RYR1: variants seen among roughly 807,000 people sequenced by gnomAD.
RYR1 encodes the protein central core disease of muscle.
Under a neutral mutation model 583.5 loss-of-function variants are expected in RYR1, and 342 were observed. The observed-to-expected ratio is 0.59, with a 90% CI of 0.54 to 0.64. The LOEUF (loss-of-function observed/expected upper bound fraction) is 0.64. Among genes scored for constraint, RYR1 ranks in the 30% least tolerant of loss-of-function variants. The pLI is 0.00. For synonymous variants in RYR1, 2,791 were observed against 2,822.5 expected (o/e 0.99, Z 0.35); for missense variants, 6,032 against 6,917.2 (o/e 0.87, Z 4.54).
At chr19:38,457,045 CCAAAAAAAAAAAA>C (rs1223698564) in intron 16 of RYR1, among the ~76,000 whole-genome samples, 5 of 19,588 alleles carry the variant, frequency 2.6e-4, no homozygotes, top group African/African-American at 8.5e-4. Context: ...GACTCCATCT[CCAAAAAAAAAAAA>C]AAAAAAAAAA....
chr19:38,506,703 A>T, intron 56 of RYR1, 126 bp from the exon 57 acceptor site: 1 of 1,512,606 alleles, frequency 6.6e-7, no homozygotes, highest in South Asian at 1.2e-5. Flanking sequence ...ACCAGCAAGC[A>T]ATGTTTCCGT....
rs567283128 is a variant in RYR1, at chr19:38,440,704, G to C, written c.46-41G>C. 3.3e-5 allele frequency: 53 copies of C among 1,600,096 alleles called. No individual in the cohort carries two copies. The South Asian group carries it at 4.7e-4, about 14-fold the overall frequency. ...GTGGTCTGCAGTATTTGTGGTATCC[G>C]GGCCAGGCCCCCCTGGAGACGCTGC... On this transcript the variant is annotated intron_variant, in intron 1 of 105. Coordinates refer to ENST00000359596, the MANE Select transcript of RYR1 (RefSeq NM_000540.3).
intron 53 of RYR1, 95 bp downstream of exon 53, chr19:38,505,493 C>G (rs1894204393): frequency 2.2e-6 from 2 of 924,194 alleles, no homozygotes; most frequent in African/African-American, 3.3e-5. Context: ...ATGTTTGCAT[C>G]TAGGTGGATC....
At chr19:38,487,507 C>T (rs1568486767) in intron 34 of RYR1, among the ~76,000 whole-genome samples, 1 of 152,106 alleles carries the variant, frequency 6.6e-6, no homozygotes, top group Non-Finnish European at 1.5e-5. Context: ...GTGCCCGCCA[C>T]CATGCCCGGC....
chr19:38,503,194 AT>A (rs1245671940), intron 49 of RYR1, among the ~76,000 whole-genome samples: 1 of 152,166 alleles, frequency 6.6e-6, no homozygotes, highest in Non-Finnish European at 1.5e-5. Flanking sequence ...CCTAATTAGC[AT>A]TTAATTTGCT....
intron 11 of RYR1, among the ~76,000 whole-genome samples, chr19:38,450,716 C>T (rs940675803): frequency 2.6e-5 from 4 of 151,940 alleles, no homozygotes; most frequent in Non-Finnish European, 4.4e-5. Flanking sequence ...ATTGTACAAG[C>T]GGGTCCTCTG....
Position 38,463,841 on chromosome 19 carries a change from A to C in RYR1, c.2777A>C (p.Glu926Ala). The change falls in exon 22 of 106, where the codon GAG (glutamate) becomes GCG (alanine). Residue 926 changes from glutamate (E) to alanine (A), a missense_variant. Physicochemically the swap from Glu to Ala is moderately radical, Grantham distance 107. Transcript: ENST00000359596. ...ERNYNLQMSG[E>A]TLKTLLALGC... ...AACTACAACCTGCAGATGTCTGGGGAGACGCTCAAGTGAGGGCCCAGGGGA... is the reference window on the plus strand; with the variant it reads ...AACTACAACCTGCAGATGTCTGGGGCGACGCTCAAGTGAGGGCCCAGGGGA... The C allele has an allele frequency of 6.2e-7, 1 of 1,612,774 alleles. No homozygotes were observed. The highest frequency in any genetic ancestry group is 1.7e-5 in the Admixed American group (1 of 59,938).
At chr19:38,440,928 C>G in intron 2 of RYR1, 64 bp downstream of exon 2, 1 of 1,557,328 alleles carries the variant, frequency 6.4e-7, no homozygotes, top group South Asian at 1.1e-5. Context: ...AATCTTGGGT[C>G]CAAAGAAGAG....
rs772233075 is a variant in RYR1, at chr19:38,502,769, AGGGGCAGG to A, written c.7835+45_7835+52del. On this transcript the variant is annotated intron_variant, in intron 48 of 105. Coordinates refer to ENST00000359596, the MANE Select transcript of RYR1 (RefSeq NM_000540.3). ...TTCAGGGTGGGGCAGGGGCAGGGGC[AGGGGCAGG>A]GGCAGGGGCAGGGGCAGGGGCAGGG... 2.5e-4 allele frequency: 121 copies of A among 479,454 alleles called. 1 individual carries two copies. The highest frequency in any genetic ancestry group is 3.1e-4 in the Non-Finnish European group (92 of 293,324). 29.7% of individuals were successfully genotyped at this position (479,454 alleles called of 1,614,324 possible).
At chr19:38,507,101 G>T in intron 57 of RYR1, 149 bp downstream of exon 57, 3 of 1,318,360 alleles carry the variant, frequency 2.3e-6, no homozygotes, top group Non-Finnish European at 1.0e-6. Context: ...AAGGGAGTGG[G>T]GCCTGGACAC....
chr19:38,585,138 G>T (rs758587491), intron 102 of RYR1, 39 bp downstream of exon 102: 56 of 1,606,792 alleles, frequency 3.5e-5, no homozygotes, highest in Non-Finnish European at 4.3e-5. Context: ...CCGGAGGCAG[G>T]CTAGCTCCAT....
chr19:38,444,493 G>A lies in RYR1; in HGVS notation c.538-91G>A, dbSNP rs1388692116. 8 of 1,148,672 alleles carry A rather than the reference G, an allele frequency of 7.0e-6. No homozygotes were observed. The African/African-American group carries it at 7.7e-5, about 11-fold the overall frequency. 71.2% of individuals were successfully genotyped at this position (1,148,672 alleles called of 1,614,324 possible). ...CTCTGTCTCCCATCTGCCGGTTTCC[G>A]GGTATCCACCCTTGATTTCTGGCCT... On this transcript the variant is annotated intron_variant, in intron 6 of 105. Coordinates refer to ENST00000359596, the MANE Select transcript of RYR1 (RefSeq NM_000540.3). This position sits in a 1 kb window ranked among gnomAD's most constrained non-coding sequence, Gnocchi z 5.1.
rs139408813 is a variant in RYR1 at position 38,460,704 on chromosome 19, G to A, written c.2577+113G>A. ...ATCCCAGCACTTTGGATGGCCAGGCGTGGTGGCTCACGCCTGTAAGCCCAG... is the reference window on the plus strand; with the variant it reads ...ATCCCAGCACTTTGGATGGCCAGGCATGGTGGCTCACGCCTGTAAGCCCAG... On this transcript the variant is annotated intron_variant, in intron 20 of 105. Coordinates refer to ENST00000359596, the MANE Select transcript of RYR1 (RefSeq NM_000540.3). 5,593 of 1,059,558 alleles carry A rather than the reference G, an allele frequency of 5.3e-3. 201 individuals carry two copies. The African/African-American group carries it at 0.073, about 14-fold the overall frequency. 65.6% of individuals were successfully genotyped at this position (1,059,558 alleles called of 1,614,324 possible).
At position 38,499,303 on chromosome 19, in the gene RYR1, C is replaced by G; in HGVS notation, c.7027+60C>G. ...ATGGAGTCACTGGTCACACACCTCC[C>G]TCGAGATGACTGCTCGCACCCTGAG... On this transcript the variant is annotated intron_variant, in intron 43 of 105. Coordinates refer to ENST00000359596, the MANE Select transcript of RYR1 (RefSeq NM_000540.3). This position sits in a 1 kb window ranked among gnomAD's most constrained non-coding sequence, Gnocchi z 7.3. 1 of 1,611,634 alleles carries G rather than the reference C, an allele frequency of 6.2e-7. No individual in the cohort carries two copies. Among genetic ancestry groups the G allele is most frequent in the Non-Finnish European group, 8.5e-7 (1 of 1,178,112 alleles).
chr19:38,535,426 T>C, intron 81 of RYR1, 34 bp downstream of exon 81: 2 of 1,541,474 alleles, frequency 1.3e-6, no homozygotes, highest in African/African-American at 1.4e-5. Context: ...TGTTAAGCTG[T>C]GTTTGGTGCC....
At position 38,499,095 on chromosome 19, in the gene RYR1, C is replaced by T. The variant is rs1568500013; in HGVS notation, c.6892-13C>T. ...ATGGGTCTGGTCTCTGACTGAGCCC[C>T]TTCTGCCCCCAGGTTGTGTCCTACC... On this transcript the variant is annotated splice_polypyrimidine_tract_variant and intron_variant, in intron 42 of 105. Coordinates refer to ENST00000359596, the MANE Select transcript of RYR1 (RefSeq NM_000540.3). This position sits in a 1 kb window ranked among gnomAD's most constrained non-coding sequence, Gnocchi z 7.3. 6.2e-7 allele frequency: 1 copy of T among 1,613,842 alleles called. No individual in the cohort carries two copies. Among genetic ancestry groups the T allele is most frequent in the South Asian group, 1.1e-5 (1 of 91,072 alleles).
At chr19:38,574,160 T>C (rs1052153445) in intron 96 of RYR1, among the ~76,000 whole-genome samples, 2 of 150,242 alleles carry the variant, frequency 1.3e-5, no homozygotes, top group African/African-American at 4.9e-5. Context: ...CTCCGGAGGC[T>C]GAGGCATGAG....
rs144372592 is a variant in RYR1, at chr19:38,476,522, G to A, written c.4293+1072G>A. On this transcript the variant is annotated intron_variant, in intron 29 of 105. Transcript: ENST00000359596. ...TAATTTTTGTATTTTTGGTAGAAAC[G>A]GGGTTTCACCATGTTGGCCAGGTTG... Among the ~76,000 whole-genome samples the A allele has an allele frequency of 1.4e-3, 208 of 152,164 alleles. 2 individuals carry two copies. The highest frequency in any genetic ancestry group is 7.7e-3 in the Admixed American group (118 of 15,256).
At chr19:38,486,356 A>T (rs1424391325) in intron 34 of RYR1, among the ~76,000 whole-genome samples, 154 bp downstream of exon 34, 2 of 150,576 alleles carry the variant, frequency 1.3e-5, no homozygotes, top group Non-Finnish European at 3.0e-5. Flanking sequence ...TATTATTATT[A>T]TTTTTTCGAG....
Sources: allele counts gnomAD v4.1 joint callset (sites outside exome capture counted in the v4.1 genomes callset), GRCh38; gene constraint gnomAD v4.1.1; non-coding constraint Gnocchi (gnomAD v3.1); transcripts MANE v1.5; gene names NCBI Gene and HGNC (gene_info 2026-07-23, HGNC 2026-07-21).